NBEA: variants seen among roughly 807,000 people sequenced by gnomAD.
The protein encoded by NBEA is lysosomal-trafficking regulator 2.
NBEA carries 44 observed loss-of-function variants against 343.4 expected under a neutral mutation model. The observed-to-expected ratio is 0.13, with a 90% confidence interval of 0.10 to 0.16. The LOEUF (loss-of-function observed/expected upper bound fraction) is 0.16, where lower values mean the gene tolerates loss of function less well. Among genes scored for constraint, NBEA ranks in the 10% least tolerant of loss-of-function variants. NBEA has a pLI of 1.00. For missense variants in NBEA, 2,555 were observed against 3,631.3 expected, an observed-to-expected ratio of 0.70 and a Z score of 7.62; for synonymous variants, 1,175 against 1,238.7, an observed-to-expected ratio of 0.95 and a Z score of 1.08.
At chr13:35,046,238 T>A (rs1426365765) in intron 4 of NBEA, among the ~76,000 whole-genome samples, 1 of 152,206 alleles carries the variant, frequency 6.6e-6, no homozygotes, top group Admixed American at 6.5e-5. Context: ...AAAATTGCTG[T>A]GAACATTTGA....
chr13:35,201,689 T>C (rs1402607420), intron 31 of NBEA, among the ~76,000 whole-genome samples: 3 of 152,066 alleles, frequency 2.0e-5, no homozygotes, highest in Admixed American at 2.0e-4. Context: ...TAAAGCTACA[T>C]GATTTCTAAA....
intron 41 of NBEA, among the ~76,000 whole-genome samples, chr13:35,517,910 T>C (rs1358938174): frequency 6.6e-6 from 1 of 152,232 alleles, no homozygotes; most frequent in Non-Finnish European, 1.5e-5. Flanking sequence ...AATAAAATTA[T>C]CTGACAGTCT....
Position 34,942,990 on chromosome 13 carries a change from C to G in NBEA, c.170C>G (p.Pro57Arg), listed in dbSNP as rs1316883225. The G allele has an allele frequency of 6.2e-7, 1 of 1,610,782 alleles. No homozygotes were observed. Among genetic ancestry groups the G allele is most frequent in the Non-Finnish European group, 8.5e-7 (1 of 1,178,668 alleles). Residue 57 changes from proline (P) to arginine (R), a missense_variant, in exon 1 of 59, where the codon CCC (proline) becomes CGC (arginine). By Grantham distance (103) the Pro-to-Arg change is moderately radical (BLOSUM62 -2). Coordinates refer to ENST00000379939, the MANE Select transcript of NBEA (RefSeq NM_001385012.1). The stretch of plus-strand genomic sequence containing the variant: ...TCCGGCTCCGGCTCGGTGATGCTCC[C>G]CGCGGGGATGATTAACCCTTCGGTG... ...GASGSGSVML[P>R]AGMINPSVPI...
intron 44 of NBEA, among the ~76,000 whole-genome samples, chr13:35,562,411 A>G (rs1566325204): frequency 6.6e-6 from 1 of 152,106 alleles, no homozygotes; most frequent in Admixed American, 6.5e-5. Flanking sequence ...TAATTCTTGC[A>G]TTTTAAAAAA....
intron 47 of NBEA, among the ~76,000 whole-genome samples, chr13:35,604,200 T>G (rs537952062): frequency 6.6e-6 from 1 of 152,324 alleles, no homozygotes; most frequent in African/African-American, 2.4e-5. Flanking sequence ...TCAATTAAAC[T>G]GTATGATTTT....
At chr13:34,988,197 G>A (rs2060626089) in intron 1 of NBEA, among the ~76,000 whole-genome samples, 1 of 150,948 alleles carries the variant, frequency 6.6e-6, no homozygotes, top group African/African-American at 2.4e-5. Flanking sequence ...GCCTGTTTGA[G>A]GTGTCAGTCG....
intron 34 of NBEA, among the ~76,000 whole-genome samples, chr13:35,268,132 G>A (rs2033840666): frequency 6.6e-6 from 1 of 152,024 alleles, no homozygotes; most frequent in East Asian, 1.9e-4. Context: ...GGAAGAATGA[G>A]TAAGAAAAAT....
intron 1 of NBEA, among the ~76,000 whole-genome samples, chr13:34,973,992 C>A (rs1417500013): frequency 2.0e-5 from 3 of 152,112 alleles, no homozygotes; most frequent in Non-Finnish European, 4.4e-5. Flanking sequence ...AGACTGAAGG[C>A]CCTGCTGGAG....
chr13:35,654,518 A>T (rs1399283199), intron 53 of NBEA, among the ~76,000 whole-genome samples: 1 of 152,232 alleles, frequency 6.6e-6, no homozygotes, highest in Admixed American at 6.5e-5. Context: ...TGATTCTTAT[A>T]AACTAATGAA....
chr13:35,603,644 T>A (rs2082155906), intron 47 of NBEA, among the ~76,000 whole-genome samples: 3 of 152,198 alleles, frequency 2.0e-5, no homozygotes, highest in Admixed American at 6.5e-5. Context: ...GATATATACG[T>A]TCCTCTCTGC....
At chr13:35,020,754 A>G (rs983847097) in intron 1 of NBEA, among the ~76,000 whole-genome samples, 4 of 152,090 alleles carry the variant, frequency 2.6e-5, no homozygotes, top group African/African-American at 9.7e-5. Flanking sequence ...TCCTGACCTC[A>G]GTGATCTGCC....
intron 10 of NBEA, among the ~76,000 whole-genome samples, chr13:35,085,833 C>T (rs2064727529): frequency 6.6e-6 from 1 of 151,956 alleles, no homozygotes; most frequent in South Asian, 2.1e-4. Flanking sequence ...TCTAGAAAAC[C>T]CCATCATCTC....
At chr13:35,123,442 T>C (rs1294622603) in intron 16 of NBEA, 40 bp from the exon 17 acceptor site, 2 of 1,193,648 alleles carry the variant, frequency 1.7e-6, no homozygotes, top group African/African-American at 1.5e-5. Context: ...TTGTTTTTAA[T>C]ATTAGTAAGT....
intron 40 of NBEA, among the ~76,000 whole-genome samples, chr13:35,455,689 G>A (rs1445981545): frequency 6.6e-6 from 1 of 152,088 alleles, no homozygotes; most frequent in Non-Finnish European, 1.5e-5. Flanking sequence ...TAGGGTTAGG[G>A]TTAGTGTTCA....
At chr13:35,360,073 C>G (rs2040722347) in intron 38 of NBEA, among the ~76,000 whole-genome samples, 1 of 151,790 alleles carries the variant, frequency 6.6e-6, no homozygotes. Flanking sequence ...ATGTCTTGCC[C>G]TGTATTACAC....
At chr13:35,063,860 G>A (rs2063552333) in intron 8 of NBEA, among the ~76,000 whole-genome samples, 1 of 152,010 alleles carries the variant, frequency 6.6e-6, no homozygotes, top group East Asian at 1.9e-4. Flanking sequence ...GGTAGTGCCA[G>A]TAGGATTTTC....
chr13:35,402,046 T>C (rs2043026232), intron 38 of NBEA, among the ~76,000 whole-genome samples: 2 of 152,012 alleles, frequency 1.3e-5, no homozygotes, highest in Non-Finnish European at 2.9e-5. Flanking sequence ...ATTTTGGATA[T>C]TGAGTCAAAA....
intron 31 of NBEA, 117 bp downstream of exon 31, chr13:35,196,419 A>G: frequency 1.0e-6 from 1 of 968,618 alleles, no homozygotes; most frequent in Non-Finnish European, 1.5e-6. Flanking sequence ...TCTTATTACA[A>G]AGACAATCAA....
intron 38 of NBEA, among the ~76,000 whole-genome samples, chr13:35,412,642 A>G (rs1246696433): frequency 6.6e-6 from 1 of 152,156 alleles, no homozygotes; most frequent in Non-Finnish European, 1.5e-5. Flanking sequence ...GAACATAGAC[A>G]TTACACATAC....
Sources: allele counts gnomAD v4.1 joint callset (sites outside exome capture counted in the v4.1 genomes callset), GRCh38; gene constraint gnomAD v4.1.1; transcripts MANE v1.5; gene names NCBI Gene and HGNC (gene_info 2026-07-23, HGNC 2026-07-21).